The following FOXP2 variants were observed in gnomAD, a reference collection of about 807,000 sequenced individuals.
The protein encoded by FOXP2 is forkhead box protein P2.
Under a neutral mutation model 115.8 loss-of-function variants are expected in FOXP2, and 12 were observed. The ratio of observed to expected loss-of-function variants is 0.10; its 90% CI spans 0.07 to 0.17. The LOEUF is 0.17. FOXP2 is among the 10% of genes least tolerant of loss of function. The pLI is 1.00. For missense variants in FOXP2, 629 were observed against 843.5 expected (o/e 0.75, Z 3.15); for synonymous variants, 328 against 297.7 (o/e 1.10, Z -1.05).
At chr7:114,378,246 G>C (rs893277599) in intron 2 of FOXP2, among the ~76,000 whole-genome samples, 3 of 152,166 alleles carry the variant, frequency 2.0e-5, no homozygotes, top group Admixed American at 6.5e-5. Flanking sequence ...GAACAGAATT[G>C]AGAAGCAGAC....
intron 3 of FOXP2, among the ~76,000 whole-genome samples, chr7:114,612,376 T>TACACAC (rs893049930): frequency 1.7e-5 from 2 of 115,492 alleles, no homozygotes; most frequent in African/African-American, 8.0e-5. Context: ...ATATACTATA[T>TACACAC]ACACACACAC....
At chr7:114,487,273 G>A (rs772640692) in intron 2 of FOXP2, among the ~76,000 whole-genome samples, 1 of 152,182 alleles carries the variant, frequency 6.6e-6, no homozygotes, top group Non-Finnish European at 1.5e-5. Flanking sequence ...TGAAGCCACA[G>A]CATGAGCTGT....
intron 3 of FOXP2, among the ~76,000 whole-genome samples, chr7:114,559,184 T>G (rs1055447298): frequency 1.3e-5 from 2 of 152,178 alleles, no homozygotes; most frequent in African/African-American, 4.8e-5. Flanking sequence ...ATATAATAAC[T>G]ATATCACTTA....
chr7:114,128,430 T>G (rs1791779959), intron 1 of FOXP2, among the ~76,000 whole-genome samples: 1 of 151,944 alleles, frequency 6.6e-6, no homozygotes, highest in Non-Finnish European at 1.5e-5. Context: ...TTCTTTTTTT[T>G]TTTTTTGCCA....
intron 2 of FOXP2, among the ~76,000 whole-genome samples, chr7:114,384,256 G>A (rs1368934935): frequency 6.6e-6 from 1 of 152,140 alleles, no homozygotes; most frequent in Non-Finnish European, 1.5e-5. Context: ...TCCTAGAGCT[G>A]GGCTGGGTTC....
At chr7:114,247,756 AG>A (rs1795325412) in intron 1 of FOXP2, among the ~76,000 whole-genome samples, 1 of 152,218 alleles carries the variant, frequency 6.6e-6, no homozygotes, top group African/African-American at 2.4e-5. Context: ...AACATCGCAT[AG>A]TACCCAGCAC....
At chr7:114,162,093 G>A (rs776929), upstream of FOXP2, among the ~76,000 whole-genome samples, 131,290 of 152,114 alleles carry the variant, frequency 0.86, 57,083 homozygotes, top group Non-Finnish European at 0.92. Context: ...GAAGATATTT[G>A]TCTTAATTCT....
At chr7:114,623,875 C>T (rs143298743) in intron 3 of FOXP2, among the ~76,000 whole-genome samples, 1 of 151,914 alleles carries the variant, frequency 6.6e-6, no homozygotes, top group African/African-American at 2.4e-5. Flanking sequence ...ACACTATTTC[C>T]CTGCTGCTAA....
intron 1 of FOXP2, among the ~76,000 whole-genome samples, chr7:114,128,389 T>C (rs1791778735): frequency 6.6e-6 from 1 of 151,890 alleles, no homozygotes; most frequent in South Asian, 2.1e-4. Flanking sequence ...TACCCTAATA[T>C]ACAGAGCTAC....
intron 2 of FOXP2, among the ~76,000 whole-genome samples, chr7:114,529,050 A>C (rs965698105): frequency 1.3e-5 from 2 of 151,898 alleles, no homozygotes; most frequent in Non-Finnish European, 2.9e-5. Context: ...AGGTAATATT[A>C]GGATATTACA....
chr7:114,536,056 C>CATTTACATGACAGAGAAAA (rs2129278123), intron 3 of FOXP2, among the ~76,000 whole-genome samples: 1 of 151,556 alleles, frequency 6.6e-6, no homozygotes, highest in East Asian at 1.9e-4. Flanking sequence ...TCTCTTCATG[C>CATTTACATGACAGAGAAAA]ATTTACATGA....
At chr7:114,308,642 G>C (rs1294416731) in intron 2 of FOXP2, among the ~76,000 whole-genome samples, 1 of 152,186 alleles carries the variant, frequency 6.6e-6, no homozygotes, top group East Asian at 1.9e-4. Flanking sequence ...ACTGTTACCA[G>C]TCTTCTACAA....
At chr7:114,087,594 G>A (rs1799446666), upstream of FOXP2, among the ~76,000 whole-genome samples, 1 of 148,378 alleles carries the variant, frequency 6.7e-6, no homozygotes, top group African/African-American at 2.4e-5. Flanking sequence ...GGGTCCGAAC[G>A]CCCTTCGCGC....
intron 1 of FOXP2, among the ~76,000 whole-genome samples, chr7:114,145,915 TA>T: frequency 6.6e-6 from 1 of 152,212 alleles, no homozygotes; most frequent in East Asian, 1.9e-4. Flanking sequence ...TCTTTTGACA[TA>T]GGACTTGATT....
chr7:114,668,822 A>ATGATAC (rs1807325817), intron 16 of FOXP2: 1 of 152,174 alleles, frequency 6.6e-6, no homozygotes, highest in South Asian at 2.1e-4. Context: ...CAGTAAAAGT[A>ATGATAC]TGATACTGAT....
At chr7:114,416,913 C>T (rs1409440019) in intron 1 of FOXP2, among the ~76,000 whole-genome samples, 3 of 151,252 alleles carry the variant, frequency 2.0e-5, no homozygotes, top group African/African-American at 7.3e-5. Flanking sequence ...TTTTTTTAAA[C>T]CCATGTAAAA....
chr7:114,188,799 G>C (rs1793682108), intron 1 of FOXP2, among the ~76,000 whole-genome samples: 1 of 152,044 alleles, frequency 6.6e-6, no homozygotes, highest in East Asian at 1.9e-4. Flanking sequence ...CATAATATGG[G>C]GCTTGACCTT....
chr7:114,676,533 T>C (rs916254679), intron 16 of FOXP2, among the ~76,000 whole-genome samples: 1 of 152,184 alleles, frequency 6.6e-6, no homozygotes, highest in South Asian at 2.1e-4. Context: ...GAGGATAGCT[T>C]TTTGAATGTT....
At chr7:114,608,668 GAC>G (rs1029505756) in intron 3 of FOXP2, among the ~76,000 whole-genome samples, 2 of 152,154 alleles carry the variant, frequency 1.3e-5, no homozygotes, top group African/African-American at 4.8e-5. Context: ...CATTCTAGGG[GAC>G]ACTTCACCTG....
Sources: allele counts gnomAD v4.1 joint callset (sites outside exome capture counted in the v4.1 genomes callset), GRCh38; gene constraint gnomAD v4.1.1; transcripts MANE v1.5; gene names NCBI Gene and HGNC (gene_info 2026-07-23, HGNC 2026-07-21).